Variants in ITFG1 observed in about 807,000 individuals in gnomAD.
ITFG1 encodes the protein integrin alpha FG-GAP repeat containing 1, also known as T-cell immunomodulatory protein.
In ITFG1, 34 loss-of-function variants were observed where a neutral mutation model predicts 81.8. That is an observed-to-expected ratio of 0.42 (90% confidence interval 0.32 to 0.55). ITFG1 has a LOEUF of 0.55. Ranked by LOEUF, ITFG1 falls within the 20% of genes least tolerant of loss-of-function variation. The pLI is 0.17. For synonymous variants in ITFG1, 285 were observed against 270.6 expected (o/e 1.05, Z -0.52); for missense variants, 672 against 755.4 (o/e 0.89, Z 1.29).
intron 14 of ITFG1, among the ~76,000 whole-genome samples, chr16:47,188,125 G>A (rs1965247071): frequency 6.7e-6 from 1 of 150,208 alleles, no homozygotes. Context: ...AGGTGCTGGA[G>A]AGGATGTGGA....
At chr16:47,257,699 AGACTTGT>A (rs1236180186) in intron 12 of ITFG1, among the ~76,000 whole-genome samples, 4 of 152,258 alleles carry the variant, frequency 2.6e-5, no homozygotes, top group Non-Finnish European at 5.9e-5. Context: ...ACAAATGTGT[AGACTTGT>A]ATGTACATAT....
At chr16:47,283,437 CTG>C (rs1966858368) in intron 10 of ITFG1, among the ~76,000 whole-genome samples, 1 of 152,168 alleles carries the variant, frequency 6.6e-6, no homozygotes, top group Non-Finnish European at 1.5e-5. Flanking sequence ...TCCCATTGAT[CTG>C]TGTGTCTATT....
chr16:47,190,400 G>A lies in ITFG1; in HGVS notation c.1454-27736C>T, dbSNP rs75500474. Among the ~76,000 whole-genome samples the A allele has an allele frequency of 2.2e-3, 328 of 152,242 alleles. 8 individuals carry two copies. In the East Asian group the frequency reaches 0.053, roughly 25 times the overall value. Reference sequence around the variant, plus strand: ...ACTAGGTAGCTATTATTACATACATGTTACTCAACTTGGAGAGACCTAGAG... The same window carrying A: ...ACTAGGTAGCTATTATTACATACATATTACTCAACTTGGAGAGACCTAGAG... On this transcript the variant is annotated intron_variant, in intron 14 of 17. Coordinates refer to ENST00000320640, the MANE Select transcript of ITFG1 (RefSeq NM_030790.5).
intron 14 of ITFG1, among the ~76,000 whole-genome samples, chr16:47,164,867 T>C (rs922548527): frequency 2.6e-5 from 4 of 152,262 alleles, no homozygotes; most frequent in African/African-American, 9.6e-5. Flanking sequence ...CCATGGCTAC[T>C]GCACTACTCA....
intron 14 of ITFG1, among the ~76,000 whole-genome samples, chr16:47,165,675 A>G (rs928182583): frequency 3.8e-4 from 58 of 152,254 alleles, no homozygotes; most frequent in East Asian, 5.8e-4. Flanking sequence ...GTGAAGCCCC[A>G]CCTCTACAAA....
At chr16:47,389,140 A>G (rs1968499304) in intron 6 of ITFG1, among the ~76,000 whole-genome samples, 1 of 152,114 alleles carries the variant, frequency 6.6e-6, no homozygotes, top group South Asian at 2.1e-4. Flanking sequence ...ACTCTCCTGA[A>G]CCTTTTTCGG....
At chr16:47,321,918 A>G (rs189862090) in intron 8 of ITFG1, among the ~76,000 whole-genome samples, 9 of 152,336 alleles carry the variant, frequency 5.9e-5, no homozygotes, top group Admixed American at 2.6e-4. Context: ...ACAAATGGAA[A>G]ACAAGAAAAA....
chr16:47,173,474 C>T (rs1964984632), intron 14 of ITFG1, among the ~76,000 whole-genome samples: 1 of 152,018 alleles, frequency 6.6e-6, no homozygotes, highest in African/African-American at 2.4e-5. Flanking sequence ...TGTGTCAGAC[C>T]TAACACTTGT....
At chr16:47,433,659 A>G (rs1424974885) in intron 5 of ITFG1, among the ~76,000 whole-genome samples, 7 of 151,510 alleles carry the variant, frequency 4.6e-5, no homozygotes, top group Admixed American at 2.0e-4. Context: ...GATCCTTAAG[A>G]GTTTATTTTA....
intron 13 of ITFG1, among the ~76,000 whole-genome samples, chr16:47,220,818 C>A (rs1015017812): frequency 1.3e-5 from 2 of 151,948 alleles, no homozygotes; most frequent in African/African-American, 2.4e-5. Context: ...ATGGTAAGGA[C>A]CTCAAAAAAA....
At chr16:47,264,545 T>TACACACACACAC (rs60424367) in intron 10 of ITFG1, among the ~76,000 whole-genome samples, 10 of 136,124 alleles carry the variant, frequency 7.3e-5, no homozygotes, top group East Asian at 4.3e-4. Flanking sequence ...TGTTCTCTAT[T>TACACACACACAC]ACACACACAC....
At chr16:47,301,755 T>C (rs1007752396) in intron 10 of ITFG1, among the ~76,000 whole-genome samples, 2 of 152,240 alleles carry the variant, frequency 1.3e-5, no homozygotes, top group Non-Finnish European at 2.9e-5. Context: ...ATATAGGGAA[T>C]GCCTGATTTG....
intron 6 of ITFG1, among the ~76,000 whole-genome samples, chr16:47,410,516 A>T (rs1413308171): frequency 6.6e-6 from 1 of 152,068 alleles, no homozygotes; most frequent in Non-Finnish European, 1.5e-5. Flanking sequence ...GTAAATCAAC[A>T]TACTTTGAAC....
intron 8 of ITFG1, among the ~76,000 whole-genome samples, chr16:47,364,509 A>G (rs1968150329): frequency 6.6e-6 from 1 of 152,186 alleles, no homozygotes. Flanking sequence ...GTACATATAC[A>G]CTTTTTTCCT....
chr16:47,348,852 A>G (rs1967902459), intron 8 of ITFG1, among the ~76,000 whole-genome samples: 1 of 152,238 alleles, frequency 6.6e-6, no homozygotes, highest in Non-Finnish European at 1.5e-5. Context: ...TCAGACTAAC[A>G]GCGGATCTCT....
intron 8 of ITFG1, among the ~76,000 whole-genome samples, chr16:47,350,017 G>C (rs1967926454): frequency 6.6e-6 from 1 of 152,144 alleles, no homozygotes; most frequent in South Asian, 2.1e-4. Flanking sequence ...TGAAACCAAT[G>C]AGAACAAAGA....
chr16:47,345,544 C>T (rs1011694422), intron 8 of ITFG1, among the ~76,000 whole-genome samples: 1 of 152,114 alleles, frequency 6.6e-6, no homozygotes, highest in Non-Finnish European at 1.5e-5. Context: ...AGAGATCCGC[C>T]CACCTTGGCC....
At chr16:47,430,950 A>T (rs1257792118) in intron 5 of ITFG1, among the ~76,000 whole-genome samples, 1 of 152,248 alleles carries the variant, frequency 6.6e-6, no homozygotes, top group African/African-American at 2.4e-5. Flanking sequence ...AAATGGATAA[A>T]CAAAATGTCA....
intron 10 of ITFG1, among the ~76,000 whole-genome samples, chr16:47,293,202 TATATAA>T (rs1444706757): frequency 6.8e-6 from 1 of 146,342 alleles, no homozygotes; most frequent in Non-Finnish European, 1.5e-5. Flanking sequence ...TTATATATCA[TATATAA>T]ATATGATATA....
Sources: allele counts gnomAD v4.1 joint callset (sites outside exome capture counted in the v4.1 genomes callset), GRCh38; gene constraint gnomAD v4.1.1; transcripts MANE v1.5; gene names NCBI Gene and HGNC (gene_info 2026-07-23, HGNC 2026-07-21).